The following ALPK3 variants were observed in gnomAD, a reference collection of about 807,000 sequenced individuals.
The protein encoded by ALPK3 is alpha kinase 3.
In ALPK3, 102 loss-of-function variants were observed where a neutral mutation model predicts 140.0. The ratio of observed to expected loss-of-function variants is 0.73; its 90% CI spans 0.62 to 0.86. ALPK3 has a LOEUF of 0.86. Among genes scored for constraint, ALPK3 ranks in the 40% least tolerant of loss-of-function variants. ALPK3 has a pLI of 0.00. For missense variants in ALPK3, 2,254 were observed against 2,208.2 expected (o/e 1.02, Z -0.42); for synonymous variants, 938 against 898.5 (o/e 1.04, Z -0.79).
At chr15:84,822,523 C>T (rs953863193) in intron 1 of ALPK3, among the ~76,000 whole-genome samples, 2 of 152,110 alleles carry the variant, frequency 1.3e-5, no homozygotes, top group East Asian at 3.9e-4. Flanking sequence ...ATGGGGTGAC[C>T]TCTGACATCT....
chr15:84,820,117 A>G (rs6496441), intron 1 of ALPK3, among the ~76,000 whole-genome samples: 84,774 of 152,022 alleles, frequency 0.56, 24,806 homozygotes, highest in East Asian at 0.79. Flanking sequence ...AGGGGCCAAA[A>G]TTGAGTAGAA....
intron 3 of ALPK3, among the ~76,000 whole-genome samples, chr15:84,829,885 C>T (rs780797223): frequency 3.9e-5 from 6 of 152,106 alleles, no homozygotes; most frequent in Non-Finnish European, 7.4e-5. Context: ...CTGTATAGTC[C>T]GGATGGTTGC....
intron 13 of ALPK3, 55 bp from the exon 14 acceptor site, chr15:84,868,056 A>T: frequency 6.5e-7 from 1 of 1,543,522 alleles, no homozygotes; most frequent in Non-Finnish European, 8.8e-7. Context: ...TCCGCCCCCC[A>T]AGGAACTGTG....
chr15:84,817,857 G>C (rs1215699514), intron 1 of ALPK3, among the ~76,000 whole-genome samples: 1 of 152,326 alleles, frequency 6.6e-6, no homozygotes, highest in East Asian at 1.9e-4. Flanking sequence ...GTGATTTCAT[G>C]GGGTCTGAAG....
chr15:84,842,429 G>A (rs961789180), intron 5 of ALPK3, among the ~76,000 whole-genome samples: 4 of 152,228 alleles, frequency 2.6e-5, no homozygotes, highest in African/African-American at 9.6e-5. Flanking sequence ...GATAGAGGAA[G>A]CAGTTATAGA....
rs751544966 is a variant in ALPK3, at chr15:84,839,938, G to A, written c.659G>A (p.Arg220His). ...VDTLRKLSPDRFQRKRRLSGA... is the reference protein window; with the variant it reads ...VDTLRKLSPDHFQRKRRLSGA... ...ACTCTGCGCAAGCTCAGCCCCGACC[G>A]CTTCCAGCGAAAGCGGCGATTGAGC... The change falls in exon 5 of 14, where the codon CGC becomes CAC. Residue 220 changes from arginine (R) to histidine (H), a missense_variant. Transcript: ENST00000258888. 3 of 1,613,640 alleles carry A rather than the reference G, an allele frequency of 1.9e-6. No homozygotes were observed. Among genetic ancestry groups the A allele is most frequent in the South Asian group, 1.1e-5 (1 of 91,064 alleles).
chr15:84,817,652 C>T, intron 1 of ALPK3, 57 bp downstream of exon 1: 2 of 1,427,420 alleles, frequency 1.4e-6, no homozygotes, highest in Non-Finnish European at 1.8e-6. Context: ...GGGATCAGTC[C>T]CTGTGAGGGC....
At chr15:84,819,110 G>A (rs540580010) in intron 1 of ALPK3, among the ~76,000 whole-genome samples, 6 of 152,314 alleles carry the variant, frequency 3.9e-5, no homozygotes, top group African/African-American at 1.4e-4. Flanking sequence ...GGGCTTTTAG[G>A]AAAAGGGCTG....
chr15:84,857,829 C>T lies in ALPK3; in HGVS notation c.3091C>T (p.Leu1031=). 6.2e-7 allele frequency: 1 copy of T among 1,610,676 alleles called. No homozygotes were observed. The highest frequency in any genetic ancestry group is 8.5e-7 in the Non-Finnish European group (1 of 1,177,948). The change falls in exon 6 of 14, where the codon CTG becomes TTG. Residue 1031 remains leucine (L), a synonymous_variant. Transcript: ENST00000258888. ...NHLVQSAQTL[L]LSPCTSRRLT... is the part of the protein sequence containing the mutation. The stretch of plus-strand genomic sequence containing the variant: ...CCTGGTGCAGAGTGCACAGACCCTG[C>T]TGCTGAGCCCCTGTACCTCCCGCCG...
chr15:84,844,773 C>A (rs954758927), intron 5 of ALPK3, among the ~76,000 whole-genome samples: 1 of 152,042 alleles, frequency 6.6e-6, no homozygotes, highest in African/African-American at 2.4e-5. Flanking sequence ...AGGAGAATCG[C>A]TTGAACCCGA....
chr15:84,860,162 T>A, intron 9 of ALPK3, 90 bp downstream of exon 9: 1 of 1,454,136 alleles, frequency 6.9e-7, no homozygotes, highest in South Asian at 1.2e-5. Flanking sequence ...CTGGTCCCAA[T>A]CCACATACTG....
At chr15:84,845,894 AC>A (rs1316350034) in intron 5 of ALPK3, among the ~76,000 whole-genome samples, 4 of 152,180 alleles carry the variant, frequency 2.6e-5, no homozygotes, top group Non-Finnish European at 4.4e-5. Context: ...CACTTTCTCT[AC>A]TAAAAATAGA....
intron 5 of ALPK3, among the ~76,000 whole-genome samples, chr15:84,846,924 A>G (rs1255181569): frequency 1.3e-5 from 2 of 151,950 alleles, no homozygotes; most frequent in Non-Finnish European, 2.9e-5. Flanking sequence ...GTGTGCCGCT[A>G]CACTTGGCTA....
chr15:84,827,557 CG>C lies in ALPK3; in HGVS notation c.258del (p.Ser87LeufsTer22). Reference sequence around the variant, plus strand: ...GCTATTTGAGACCACGCTCAAGTCCCGGTCTGTGTCCGAGGACAGCGACGTC... The same window carrying C: ...GCTATTTGAGACCACGCTCAAGTCCCGTCTGTGTCCGAGGACAGCGACGTC... ...QPLFETTLKS[R>X]SVSEDSDVRF... On this transcript the variant is annotated frameshift_variant, in exon 3 of 14. Coordinates refer to ENST00000258888, the MANE Select transcript of ALPK3 (RefSeq NM_020778.5). LOFTEE classifies it high-confidence loss of function. 1 of 1,614,206 alleles carries C rather than the reference CG, an allele frequency of 6.2e-7. No homozygotes were observed.
Position 84,859,391 on chromosome 15 carries a change from G to A in ALPK3, c.3965+1G>A. The stretch of plus-strand genomic sequence containing the variant: ...GCCCAGTGGGCGAGGTGGGCAGGAG[G>A]TAAGCCAACGACACCACTGCCACCT... On this transcript the variant is annotated splice_donor_variant, in intron 7 of 13. Coordinates refer to ENST00000258888, the MANE Select transcript of ALPK3 (RefSeq NM_020778.5). LOFTEE classifies it high-confidence loss of function. The A allele has an allele frequency of 6.2e-7, 1 of 1,614,024 alleles. No homozygotes were observed. The highest frequency in any genetic ancestry group is 8.5e-7 in the Non-Finnish European group (1 of 1,179,936).
At chr15:84,819,333 G>T (rs148317432) in intron 1 of ALPK3, among the ~76,000 whole-genome samples, 3 of 152,228 alleles carry the variant, frequency 2.0e-5, no homozygotes, top group African/African-American at 7.2e-5. Context: ...AGGAGTGGGA[G>T]AAAGCTTTGG....
At chr15:84,824,689 G>C (rs55874951) in intron 2 of ALPK3, among the ~76,000 whole-genome samples, 9,268 of 152,218 alleles carry the variant, frequency 0.061, 355 homozygotes, top group African/African-American at 0.079. Context: ...CCTTACCTAA[G>C]GGCGAGGTTA....
rs761813254 is a variant in ALPK3, at chr15:84,839,984, C to T, written c.705C>T (p.Pro235=). 1.2e-5 allele frequency: 20 copies of T among 1,612,966 alleles called. No individual in the cohort carries two copies. Among genetic ancestry groups the T allele is most frequent in the East Asian group, 2.2e-5 (1 of 44,870 alleles). Residue 235 remains proline, a synonymous_variant, in exon 5 of 14, where the codon CCC becomes CCT. Transcript: ENST00000258888. ...RRLSGAQAPG[P]SVPTREPEGG... ...TGAGCGGGGCTCAAGCGCCGGGCCC[C>T]TCGGTCCCTACCAGGGAGCCTGAGG... is the stretch of plus-strand genomic sequence containing the variant.
chr15:84,862,842 T>A lies in ALPK3; in HGVS notation c.4337T>A (p.Val1446Glu). 2 of 1,614,086 alleles carry A rather than the reference T, an allele frequency of 1.2e-6. No individual in the cohort carries two copies. The highest frequency in any genetic ancestry group is 1.7e-6 in the Non-Finnish European group (2 of 1,180,002). The change falls in exon 10 of 14, where the codon GTG (valine) becomes GAG (glutamate). Residue 1446 changes from valine to glutamate, a missense_variant. By Grantham distance (121) the Val-to-Glu change is moderately radical (BLOSUM62 -2). Transcript: ENST00000258888. ...FESGRTCIIK[V>E]SSLLVFGPSS... Reference sequence around the variant, plus strand: ...TCGGGCCGCACGTGCATCATCAAGGTGTCCAGCCTGCTTGTGTTTGGGCCC... The same window carrying A: ...TCGGGCCGCACGTGCATCATCAAGGAGTCCAGCCTGCTTGTGTTTGGGCCC...
Sources: gnomAD v4.1 joint callset for allele counts (sites outside exome capture counted in the v4.1 genomes callset) on GRCh38, gnomAD v4.1.1 for gene constraint, MANE v1.5 for transcripts, NCBI Gene and HGNC (gene_info 2026-07-23, HGNC 2026-07-21) for gene names.